The following MORC1 variants were observed in gnomAD, a reference collection of about 807,000 sequenced individuals.
MORC1 encodes MORC family CW-type zinc finger protein 1.
In MORC1, 59 loss-of-function variants were observed where a neutral mutation model predicts 134.9. That is an observed-to-expected ratio of 0.44 (90% CI 0.35 to 0.54). The LOEUF is 0.54. Ranked by LOEUF, MORC1 falls within the 20% of genes least tolerant of loss-of-function variation. MORC1 has a pLI of 0.00. For missense variants in MORC1, 947 were observed against 1,134.5 expected (o/e 0.83, Z 2.37); for synonymous variants, 395 against 391.7 (o/e 1.01, Z -0.10).
chr3:109,032,874 A>C, intron 15 of MORC1, 49 bp from the exon 16 acceptor site: 2 of 1,215,884 alleles, frequency 1.6e-6, no homozygotes, highest in Non-Finnish European at 2.4e-6. Flanking sequence ...AAATGAATCT[A>C]TCATAGTAAG....
rs929007502 is a variant in MORC1 at position 109,062,012 on chromosome 3, G to C, written c.942C>G (p.Asp314Glu). 4.3e-6 allele frequency: 7 copies of C among 1,613,918 alleles called. No homozygotes were observed. The highest frequency in any genetic ancestry group is 5.9e-6 in the Non-Finnish European group (7 of 1,179,972). The part of the protein sequence containing the change: ...KEAQIKVNQC[D>E]RTSLSSAKDV... Reference sequence around the variant, plus strand: ...CCTTGGCAGAAGATAAAGAGGTTCTGTCACACTGGTTTACTTTGATTTGTG... The same window carrying C: ...CCTTGGCAGAAGATAAAGAGGTTCTCTCACACTGGTTTACTTTGATTTGTG... Residue 314 changes from aspartate to glutamate, a missense_variant, in exon 11 of 28, where the codon GAC (aspartate) becomes GAG (glutamate). Physicochemically the swap from Asp to Glu is conservative, Grantham distance 45. This residue lies in a region of MORC1 where 722 missense variants were observed against 817.0 expected (regional missense o/e 0.88). Coordinates refer to ENST00000232603, the MANE Select transcript of MORC1 (RefSeq NM_014429.4).
At chr3:109,083,186 T>A (rs550223432) in intron 8 of MORC1, among the ~76,000 whole-genome samples, 1 of 152,094 alleles carries the variant, frequency 6.6e-6, no homozygotes, top group Admixed American at 6.6e-5. Flanking sequence ...AGCAAAGCTA[T>A]CCTTCAAATA....
chr3:109,017,208 C>T (rs554024440), intron 17 of MORC1, among the ~76,000 whole-genome samples: 1 of 152,176 alleles, frequency 6.6e-6, no homozygotes, highest in South Asian at 2.1e-4. Context: ...GGACTTAGCA[C>T]GATGCTTAGA....
chr3:109,069,873 C>T (rs1478201602), intron 8 of MORC1, 116 bp from the exon 9 acceptor site: 1 of 1,150,180 alleles, frequency 8.7e-7, no homozygotes, highest in African/African-American at 1.6e-5. Flanking sequence ...GCTTCAAGAA[C>T]TTTTCTTCTA....
At chr3:108,969,210 A>T (rs1157178941) in intron 26 of MORC1, among the ~76,000 whole-genome samples, 1 of 152,214 alleles carries the variant, frequency 6.6e-6, no homozygotes, top group Non-Finnish European at 1.5e-5. Flanking sequence ...GAATTTTTAA[A>T]AATTGCTTTT....
intron 8 of MORC1, among the ~76,000 whole-genome samples, chr3:109,078,466 A>G (rs1045164284): frequency 1.3e-5 from 2 of 152,048 alleles, no homozygotes; most frequent in Non-Finnish European, 2.9e-5. Flanking sequence ...ATAAGAGGAA[A>G]TCAAAATAAA....
At chr3:108,981,582 T>C (rs560269082) in intron 23 of MORC1, among the ~76,000 whole-genome samples, 1 of 152,340 alleles carries the variant, frequency 6.6e-6, no homozygotes, top group African/African-American at 2.4e-5. Context: ...AGTACTATAC[T>C]AGAGCACAGG....
chr3:109,060,576 C>T (rs887469009), intron 11 of MORC1, among the ~76,000 whole-genome samples: 5 of 151,974 alleles, frequency 3.3e-5, no homozygotes, highest in African/African-American at 4.8e-5. Flanking sequence ...TGGCATACTA[C>T]TGAATGAACA....
rs1238967662 is a variant in MORC1 at position 108,974,746 on chromosome 3, T to C, written c.2478-3344A>G. 2.0e-5 allele frequency among the ~76,000 whole-genome samples: 3 copies of C among 152,298 alleles called. No individual in the cohort carries two copies. In the East Asian group the frequency reaches 5.8e-4, roughly 29 times the overall value. On this transcript the variant is annotated intron_variant, in intron 24 of 27. Transcript: ENST00000232603. ...CCAGAGTTGATAATAAAATCAGAAA[T>C]TTGTCTTTGTTTAACATTGTCTTTC...
chr3:109,002,641 T>G (rs2399262), intron 20 of MORC1, among the ~76,000 whole-genome samples: 138,579 of 152,032 alleles, frequency 0.91, 64,081 homozygotes, highest in East Asian at 1. Flanking sequence ...TCTTTATGCA[T>G]CAAAGTGGAG....
intron 4 of MORC1, chr3:109,101,438 A>G (rs1310720662): frequency 6.6e-6 from 1 of 152,218 alleles, no homozygotes; most frequent in African/African-American, 2.4e-5. Context: ...ATTAATACCA[A>G]TCTCCAGAAC....
intron 23 of MORC1, among the ~76,000 whole-genome samples, chr3:108,981,483 C>T (rs1303395116): frequency 2.0e-5 from 3 of 152,064 alleles, no homozygotes; most frequent in Non-Finnish European, 4.4e-5. Context: ...CTTCTTTATG[C>T]TGACACTTCA....
intron 14 of MORC1, among the ~76,000 whole-genome samples, chr3:109,049,663 G>C (rs537810076): frequency 3.3e-5 from 5 of 152,150 alleles, no homozygotes; most frequent in Non-Finnish European, 7.4e-5. Flanking sequence ...AATAAGAAAA[G>C]AGAGGTATGG....
chr3:108,979,227 G>T (rs559835149), intron 24 of MORC1, among the ~76,000 whole-genome samples: 3 of 152,252 alleles, frequency 2.0e-5, no homozygotes, highest in South Asian at 2.1e-4. Flanking sequence ...AAGAGCCTTT[G>T]TTGGGGAAAA....
intron 12 of MORC1, among the ~76,000 whole-genome samples, chr3:109,058,814 T>C (rs908366708): frequency 2.6e-4 from 16 of 60,980 alleles, no homozygotes; most frequent in African/African-American, 5.2e-4. Flanking sequence ...GATATACTGA[T>C]ATTCTTCTAT....
At chr3:109,054,948 G>T in intron 13 of MORC1, 66 bp from the exon 14 acceptor site, 1 of 1,392,884 alleles carries the variant, frequency 7.2e-7, no homozygotes, top group Non-Finnish European at 9.8e-7. Flanking sequence ...AATATATTCT[G>T]GTCATTTGAA....
intron 8 of MORC1, among the ~76,000 whole-genome samples, chr3:109,092,789 C>T (rs74935862): frequency 0.05 from 7,684 of 152,168 alleles, 584 homozygotes; most frequent in African/African-American, 0.16. Flanking sequence ...ATAAATCGCA[C>T]TGGATTAAAT....
At chr3:108,985,522 G>A (rs1306282638) in intron 22 of MORC1, among the ~76,000 whole-genome samples, 1 of 152,170 alleles carries the variant, frequency 6.6e-6, no homozygotes, top group Non-Finnish European at 1.5e-5. Context: ...GTTCTAGATG[G>A]TGGGTAAATG....
chr3:108,981,517 C>A (rs578141770), intron 23 of MORC1, among the ~76,000 whole-genome samples: 1 of 152,084 alleles, frequency 6.6e-6, no homozygotes. Flanking sequence ...TTTCTTTAAC[C>A]ATTTTAGGGA....
Sources: allele counts gnomAD v4.1 joint callset (sites outside exome capture counted in the v4.1 genomes callset), GRCh38; gene constraint gnomAD v4.1.1; regional missense constraint gnomAD v4.1.1; transcripts MANE v1.5; gene names NCBI Gene and HGNC (gene_info 2026-07-23, HGNC 2026-07-21).